Variants in SUMF1 observed in about 807,000 individuals in gnomAD.
SUMF1 encodes formylglycine-generating enzyme.
SUMF1 carries 48 observed loss-of-function variants against 47.6 expected under a neutral mutation model. That is an observed-to-expected ratio of 1.01 (90% CI 0.80 to 1.28). SUMF1 has a LOEUF of 1.28. SUMF1 is among the 50% of genes most tolerant of loss of function. The pLI, the probability that SUMF1 is intolerant of heterozygous loss-of-function variation, is 0.00. For missense variants in SUMF1, 571 were observed against 485.4 expected, an observed-to-expected ratio of 1.18 and a Z score of -1.66; for synonymous variants, 230 against 192.1, an observed-to-expected ratio of 1.20 and a Z score of -1.63.
At chr3:4,180,028 A>G (rs1695057718) in intron 8 of SUMF1, among the ~76,000 whole-genome samples, 1 of 152,220 alleles carries the variant, frequency 6.6e-6, no homozygotes, top group Non-Finnish European at 1.5e-5. Context: ...GGCAATCATT[A>G]AAAAGTCAGG....
At chr3:4,320,675 C>T (rs1698810517) in intron 8 of SUMF1, among the ~76,000 whole-genome samples, 1 of 152,156 alleles carries the variant, frequency 6.6e-6, no homozygotes, top group Non-Finnish European at 1.5e-5. Context: ...TTTATTGCTG[C>T]TGAAGAATAG....
chr3:4,121,749 A>G (rs997139187), intron 8 of SUMF1, among the ~76,000 whole-genome samples: 1 of 152,134 alleles, frequency 6.6e-6, no homozygotes, highest in Non-Finnish European at 1.5e-5. Flanking sequence ...TCAGGGGTAC[A>G]TGTGCAGGTT....
chr3:4,440,807 C>T (rs1379054157), intron 3 of SUMF1, among the ~76,000 whole-genome samples: 1 of 152,186 alleles, frequency 6.6e-6, no homozygotes, highest in Admixed American at 6.5e-5. Flanking sequence ...CCAGAAAGTG[C>T]CAAGCTACAA....
chr3:4,456,636 G>A (rs371325177), intron 1 of SUMF1, among the ~76,000 whole-genome samples: 15 of 120,878 alleles, frequency 1.2e-4, no homozygotes, highest in South Asian at 7.1e-4. Context: ...ATATATATAC[G>A]TGTATATATA....
intron 8 of SUMF1, among the ~76,000 whole-genome samples, chr3:4,347,843 A>G (rs1699404427): frequency 6.6e-6 from 1 of 152,250 alleles, no homozygotes; most frequent in South Asian, 2.1e-4. Context: ...GTCTCAGGGT[A>G]CAAAAGTCAA....
chr3:4,196,511 T>C (rs1360512488), intron 8 of SUMF1, among the ~76,000 whole-genome samples: 1 of 152,138 alleles, frequency 6.6e-6, no homozygotes, highest in African/African-American at 2.4e-5. Context: ...AATATGGATA[T>C]CTGCATTCCT....
At chr3:4,283,334 G>A (rs138636851) in intron 8 of SUMF1, among the ~76,000 whole-genome samples, 2 of 152,230 alleles carry the variant, frequency 1.3e-5, no homozygotes, top group East Asian at 1.9e-4. Flanking sequence ...AGAACTATAC[G>A]TTCAACTAGA....
At chr3:4,035,412 TC>T (rs1559415835) in intron 9 of SUMF1, among the ~76,000 whole-genome samples, 1 of 152,178 alleles carries the variant, frequency 6.6e-6, no homozygotes, top group African/African-American at 2.4e-5. Flanking sequence ...CATGTGAGTT[TC>T]TCATCTTCTC....
chr3:4,158,326 A>AT (rs1389970995), intron 8 of SUMF1, among the ~76,000 whole-genome samples: 1 of 151,366 alleles, frequency 6.6e-6, no homozygotes, highest in Non-Finnish European at 1.5e-5. Context: ...TATGATTTCA[A>AT]TTGTTTTGAA....
chr3:4,199,186 G>C (rs1695490929), intron 8 of SUMF1, among the ~76,000 whole-genome samples: 1 of 152,052 alleles, frequency 6.6e-6, no homozygotes. Context: ...ACAGAAACCT[G>C]ATCTTCTGTC....
chr3:4,179,092 A>G (rs1360259079), intron 8 of SUMF1, among the ~76,000 whole-genome samples: 2 of 152,150 alleles, frequency 1.3e-5, no homozygotes, highest in Admixed American at 6.6e-5. Flanking sequence ...GGAAGAATCA[A>G]TATCATGAAA....
intron 8 of SUMF1, among the ~76,000 whole-genome samples, chr3:4,151,349 T>G (rs950419043): frequency 6.8e-6 from 1 of 147,612 alleles, no homozygotes; most frequent in African/African-American, 2.5e-5. Flanking sequence ...AACATAAATA[T>G]ACATACACAA....
chr3:4,377,958 G>T lies in SUMF1; in HGVS notation c.955-1569C>A, dbSNP rs557615603. On this transcript the variant is annotated intron_variant, in intron 7 of 8. Transcript: ENST00000272902. ...CTTACTTAAGTGGCAGAAATTAAAA[G>T]AATCACGTTTTCTCCAAGCATGGCT... Among the ~76,000 whole-genome samples the T allele has an allele frequency of 2.0e-5, 3 of 152,272 alleles. No individual in the cohort carries two copies. In the South Asian group the frequency reaches 6.2e-4, roughly 32 times the overall value.
At chr3:4,429,207 A>G (rs1239987559) in intron 3 of SUMF1, among the ~76,000 whole-genome samples, 1 of 152,252 alleles carries the variant, frequency 6.6e-6, no homozygotes, top group Non-Finnish European at 1.5e-5. Context: ...AAAATCATTT[A>G]CAAAAATCCT....
At chr3:4,335,422 C>T (rs139979520) in intron 8 of SUMF1, among the ~76,000 whole-genome samples, 137 of 152,282 alleles carry the variant, frequency 9.0e-4, no homozygotes, top group African/African-American at 3.1e-3. Context: ...CAAAATGAAT[C>T]CCCAAATCAG....
chr3:4,160,070 C>T (rs953117851), intron 8 of SUMF1, among the ~76,000 whole-genome samples: 20 of 152,144 alleles, frequency 1.3e-4, no homozygotes, highest in Middle Eastern at 3.4e-3. Context: ...TATTCTTTAA[C>T]CTTCTTATAG....
chr3:4,313,954 C>T, intron 8 of SUMF1: 3 of 989,354 alleles, frequency 3.0e-6, no homozygotes, highest in Non-Finnish European at 4.3e-6. Flanking sequence ...ACCCAGAATA[C>T]TCACTTTCCT....
At chr3:4,426,206 A>G (rs1205758633) in intron 3 of SUMF1, among the ~76,000 whole-genome samples, 1 of 152,246 alleles carries the variant, frequency 6.6e-6, no homozygotes, top group Non-Finnish European at 1.5e-5. Context: ...GGCCCCTGTA[A>G]GGGAACCAAA....
chr3:4,347,978 G>A (rs960231284), intron 8 of SUMF1, among the ~76,000 whole-genome samples: 46 of 152,104 alleles, frequency 3.0e-4, no homozygotes, highest in African/African-American at 1.1e-3. Flanking sequence ...GCTAACAAGA[G>A]ATGTGAAGGA....
Sources: allele counts gnomAD v4.1 joint callset (sites outside exome capture counted in the v4.1 genomes callset), GRCh38; gene constraint gnomAD v4.1.1; transcripts MANE v1.5; gene names NCBI Gene and HGNC (gene_info 2026-07-23, HGNC 2026-07-21).